Variants in TAS2R1 observed in about 807,000 individuals in gnomAD.
TAS2R1 encodes the protein taste receptor type 2 member 1.
For missense variants in TAS2R1, 370 were observed against 353.4 expected, an observed-to-expected ratio of 1.05 and a Z score of -0.38; for synonymous variants, 141 against 134.2, an observed-to-expected ratio of 1.05 and a Z score of -0.35.
At chr5:9,898,621 T>A in the TAS2R1 span, among the ~76,000 whole-genome samples, 4 of 152,186 alleles carry the variant, frequency 2.6e-5, no homozygotes, top group African/African-American at 9.7e-5. Flanking sequence ...TCCTAGAAAC[T>A]CTGCAAGGTC....
chr5:9,725,886 G>T, the TAS2R1 span, among the ~76,000 whole-genome samples: 2 of 152,246 alleles, frequency 1.3e-5, no homozygotes, highest in Non-Finnish European at 2.9e-5. Context: ...GTTTGTGAAT[G>T]CACCAGTGGA....
At chr5:9,801,183 A>G in the TAS2R1 span, among the ~76,000 whole-genome samples, 1 of 152,228 alleles carries the variant, frequency 6.6e-6, no homozygotes, top group African/African-American at 2.4e-5. Flanking sequence ...AAAGTGAGAG[A>G]GAAACCAGAT....
chr5:9,713,856 A>G (rs2126535053), upstream of TAS2R1: 1 of 152,362 alleles, frequency 6.6e-6, no homozygotes, highest in African/African-American at 2.4e-5. Context: ...TCACAGCTAC[A>G]AAGAAAGTAG....
the TAS2R1 span, among the ~76,000 whole-genome samples, chr5:9,801,287 C>A: frequency 6.6e-6 from 1 of 152,212 alleles, no homozygotes; most frequent in Non-Finnish European, 1.5e-5. Context: ...AACATGCTGG[C>A]ACCTTGATGC....
At chr5:9,711,978 T>G (rs1734688464) in intron 1 of TAS2R1, among the ~76,000 whole-genome samples, 8 of 124,884 alleles carry the variant, frequency 6.4e-5, no homozygotes. Flanking sequence ...ATGTTCAACG[T>G]TTTTTTTTTT....
intron 2 of TAS2R1, among the ~76,000 whole-genome samples, chr5:9,644,802 G>T (rs1483661143): frequency 2.6e-5 from 4 of 152,104 alleles, no homozygotes; most frequent in Non-Finnish European, 5.9e-5. Context: ...TCTCTTTGTG[G>T]AAGGATGCCC....
At chr5:9,808,143 G>C in the TAS2R1 span, among the ~76,000 whole-genome samples, 1 of 152,142 alleles carries the variant, frequency 6.6e-6, no homozygotes, top group Non-Finnish European at 1.5e-5. Flanking sequence ...AGAAAGAAAA[G>C]AAGAAATCTG....
At chr5:9,688,171 A>T (rs1294532630) in intron 1 of TAS2R1, among the ~76,000 whole-genome samples, 1 of 152,238 alleles carries the variant, frequency 6.6e-6, no homozygotes, top group Non-Finnish European at 1.5e-5. Context: ...AATAGGAACC[A>T]TAGAACCCAT....
the TAS2R1 span, among the ~76,000 whole-genome samples, chr5:9,822,121 C>T: frequency 6.6e-6 from 1 of 152,120 alleles, no homozygotes; most frequent in Non-Finnish European, 1.5e-5. Flanking sequence ...TAAATTCTTT[C>T]CTTCCTTAAG....
the TAS2R1 span, among the ~76,000 whole-genome samples, chr5:9,872,204 C>T: frequency 2.0e-5 from 3 of 152,214 alleles, no homozygotes; most frequent in Middle Eastern, 3.4e-3. Context: ...CAAAAGTTTC[C>T]GTGTGATTCA....
chr5:9,650,737 C>T (rs892559224), intron 2 of TAS2R1, among the ~76,000 whole-genome samples: 1 of 152,176 alleles, frequency 6.6e-6, no homozygotes, highest in Non-Finnish European at 1.5e-5. Flanking sequence ...CTCCTCATCC[C>T]TTTCCACTGC....
the TAS2R1 span, among the ~76,000 whole-genome samples, chr5:9,815,903 T>G: frequency 0.064 from 9,743 of 152,198 alleles, 904 homozygotes; most frequent in African/African-American, 0.2. Context: ...GTCACCCTCT[T>G]AGGGTCATTA....
At chr5:9,633,266 AGTGTGTGT>A (rs141170591), upstream of TAS2R1, among the ~76,000 whole-genome samples, 12 of 121,862 alleles carry the variant, frequency 9.8e-5, no homozygotes, top group African/African-American at 4.1e-4. Flanking sequence ...AGTATTCCAT[AGTGTGTGT>A]GTGTGTGTGT....
the TAS2R1 span, among the ~76,000 whole-genome samples, chr5:9,882,897 A>G: frequency 3.3e-5 from 5 of 152,250 alleles, no homozygotes; most frequent in Admixed American, 6.5e-5. Flanking sequence ...AGGAATATAA[A>G]TCATTCTATT....
chr5:9,871,352 G>T, the TAS2R1 span, among the ~76,000 whole-genome samples: 190 of 152,266 alleles, frequency 1.2e-3, no homozygotes, highest in African/African-American at 4.5e-3. Context: ...TTCAGAGGCT[G>T]GCTGCATTCA....
At chr5:9,851,518 G>GTTTT in the TAS2R1 span, among the ~76,000 whole-genome samples, 1 of 139,406 alleles carries the variant, frequency 7.2e-6, no homozygotes, top group East Asian at 2.1e-4. Context: ...GCTGGGATTT[G>GTTTT]TTTTTTTTTT....
chr5:9,743,878 A>G, the TAS2R1 span, among the ~76,000 whole-genome samples: 1 of 152,170 alleles, frequency 6.6e-6, no homozygotes, highest in East Asian at 1.9e-4. Flanking sequence ...TAAAAACACA[A>G]TTATTAGTGT....
At chr5:9,791,381 C>G in the TAS2R1 span, among the ~76,000 whole-genome samples, 1 of 152,198 alleles carries the variant, frequency 6.6e-6, no homozygotes, top group African/African-American at 2.4e-5. Context: ...TGTGCATTAA[C>G]ATCACCTGGC....
intron 2 of TAS2R1, among the ~76,000 whole-genome samples, chr5:9,653,802 A>G (rs2126490311): frequency 1.3e-5 from 2 of 152,254 alleles, no homozygotes; most frequent in Admixed American, 1.3e-4. Context: ...GTTTCAAACT[A>G]AGAGCTATTC....
Sources: gnomAD v4.1 joint callset for allele counts (sites outside exome capture counted in the v4.1 genomes callset) on GRCh38, gnomAD v4.1.1 for gene constraint, MANE v1.5 for transcripts, NCBI Gene and HGNC (gene_info 2026-07-23, HGNC 2026-07-21) for gene names.